The following PCDH15 variants were observed in gnomAD, a reference collection of about 807,000 sequenced individuals.
The protein encoded by PCDH15 is protocadherin-15.
A neutral mutation model predicts 178.5 loss-of-function variants in PCDH15; 129 were observed. The observed-to-expected ratio is 0.72, with a 90% CI of 0.63 to 0.84. The LOEUF (loss-of-function observed/expected upper bound fraction) is 0.84. Ranked by LOEUF, PCDH15 falls within the 40% of genes least tolerant of loss-of-function variation. PCDH15 has a pLI of 0.00. For missense variants in PCDH15, 2,230 were observed against 2,099.9 expected, an observed-to-expected ratio of 1.06 and a Z score of -1.21; for synonymous variants, 800 against 732.0, an observed-to-expected ratio of 1.09 and a Z score of -1.50.
intron 11 of PCDH15, among the ~76,000 whole-genome samples, chr10:54,192,813 T>C (rs7087966): frequency 0.23 from 35,358 of 152,008 alleles, 6,200 homozygotes; most frequent in African/African-American, 0.5. Context: ...GACACTTTTA[T>C]AAAAGTTATG....
chr10:55,328,271 A>G (rs1437841944), intron 2 of PCDH15, among the ~76,000 whole-genome samples: 1 of 151,864 alleles, frequency 6.6e-6, no homozygotes, highest in Non-Finnish European at 1.5e-5. Context: ...TTGCTTAATA[A>G]TGGGATACAT....
intron 2 of PCDH15, among the ~76,000 whole-genome samples, chr10:54,950,228 G>A (rs1838303780): frequency 6.6e-6 from 1 of 151,960 alleles, no homozygotes; most frequent in South Asian, 2.1e-4. Context: ...CATGACAGAA[G>A]TCAAAGGGGG....
chr10:54,332,301 T>TTATTATATATAATATAATCTATATTATA (rs1939874718), intron 6 of PCDH15, among the ~76,000 whole-genome samples: 1 of 47,140 alleles, frequency 2.1e-5, no homozygotes, highest in Non-Finnish European at 6.6e-5. Context: ...ATATTACATA[T>TTATTATATATAATATAATCTATATTATA]TATTATATAT....
At chr10:55,425,918 TACTA>T (rs1257059347) in intron 2 of PCDH15, among the ~76,000 whole-genome samples, 1 of 152,194 alleles carries the variant, frequency 6.6e-6, no homozygotes, top group African/African-American at 2.4e-5. Context: ...TATTTGCTCT[TACTA>T]ACTGAAAGAT....
intron 13 of PCDH15, among the ~76,000 whole-genome samples, chr10:54,157,285 G>C (rs2045255147): frequency 6.6e-6 from 1 of 152,228 alleles, no homozygotes. Context: ...TGGGCAACCA[G>C]GTGTTTCCAT....
chr10:54,989,969 G>C (rs767110087), intron 2 of PCDH15, among the ~76,000 whole-genome samples: 8 of 152,120 alleles, frequency 5.3e-5, no homozygotes, highest in Non-Finnish European at 8.8e-5. Context: ...GTTTTAAAAA[G>C]GGGAGTTCCC....
At chr10:55,015,657 A>T (rs72800089) in intron 2 of PCDH15, among the ~76,000 whole-genome samples, 17,017 of 152,230 alleles carry the variant, frequency 0.11, 1,252 homozygotes, top group Middle Eastern at 0.16. Flanking sequence ...GAAGAGTTTA[A>T]TATAGTAACT....
At chr10:54,993,447 A>C (rs537135675) in intron 2 of PCDH15, among the ~76,000 whole-genome samples, 1 of 152,178 alleles carries the variant, frequency 6.6e-6, no homozygotes, top group Non-Finnish European at 1.5e-5. Flanking sequence ...GAATTATGAA[A>C]CATTCTGTCG....
At chr10:54,870,655 G>A (rs747387895) in intron 3 of PCDH15, among the ~76,000 whole-genome samples, 29 of 151,828 alleles carry the variant, frequency 1.9e-4, no homozygotes, top group Non-Finnish European at 3.5e-4. Flanking sequence ...GCGTGGTGGC[G>A]GGCGCCTGTA....
chr10:53,864,362 T>G (rs985002334), intron 27 of PCDH15, among the ~76,000 whole-genome samples: 1 of 151,892 alleles, frequency 6.6e-6, no homozygotes, highest in Non-Finnish European at 1.5e-5. Context: ...AAATACCATC[T>G]CCCCACACCC....
At chr10:53,896,118 TTTTA>T (rs1472270479) in intron 26 of PCDH15, among the ~76,000 whole-genome samples, 3 of 152,108 alleles carry the variant, frequency 2.0e-5, no homozygotes, top group Non-Finnish European at 4.4e-5. Context: ...TATTTATTCA[TTTTA>T]TTTATTTATT....
At chr10:55,518,051 T>G (rs934009376) in intron 2 of PCDH15, among the ~76,000 whole-genome samples, 1 of 152,136 alleles carries the variant, frequency 6.6e-6, no homozygotes, top group African/African-American at 2.4e-5. Flanking sequence ...ACAAGTTCCC[T>G]GTCTCCCAGT....
chr10:55,601,291 G>A (rs1335659109), intron 2 of PCDH15, among the ~76,000 whole-genome samples: 1 of 152,202 alleles, frequency 6.6e-6, no homozygotes, highest in Non-Finnish European at 1.5e-5. Flanking sequence ...AAAGTTTTCA[G>A]TAAGAGTTGG....
intron 3 of PCDH15, among the ~76,000 whole-genome samples, chr10:54,475,043 CT>C (rs1031399239): frequency 2.0e-5 from 3 of 151,602 alleles, no homozygotes; most frequent in African/African-American, 7.3e-5. Context: ...TTCTCCTAAA[CT>C]TTTTTTTAAT....
intron 1 of PCDH15, among the ~76,000 whole-genome samples, chr10:55,257,141 C>A (rs1413277409): frequency 6.6e-6 from 1 of 152,178 alleles, no homozygotes; most frequent in African/African-American, 2.4e-5. Flanking sequence ...CCAGCAAACT[C>A]CAACAGACTT....
At chr10:54,006,086 G>A (rs976460938) in intron 20 of PCDH15, among the ~76,000 whole-genome samples, 1 of 152,118 alleles carries the variant, frequency 6.6e-6, no homozygotes, top group African/African-American at 2.4e-5. Context: ...TGATATTTAT[G>A]GAGCCATGGG....
chr10:54,298,839 C>G (rs927579632), intron 8 of PCDH15, among the ~76,000 whole-genome samples: 2 of 152,332 alleles, frequency 1.3e-5, no homozygotes, highest in African/African-American at 4.8e-5. Flanking sequence ...CCAAGGAATC[C>G]TGGGAGAGCC....
At chr10:53,957,965 T>G (rs926948655) in intron 23 of PCDH15, among the ~76,000 whole-genome samples, 1 of 152,230 alleles carries the variant, frequency 6.6e-6, no homozygotes, top group Non-Finnish European at 1.5e-5. Flanking sequence ...GAAGATTTTC[T>G]GGTAATTATA....
intron 1 of PCDH15, among the ~76,000 whole-genome samples, chr10:55,313,675 G>T (rs1843648049): frequency 6.6e-6 from 1 of 152,108 alleles, no homozygotes; most frequent in Non-Finnish European, 1.5e-5. Context: ...TTTATGCTAT[G>T]AGTTGATTAA....
Sources: allele counts gnomAD v4.1 joint callset (sites outside exome capture counted in the v4.1 genomes callset), GRCh38; gene constraint gnomAD v4.1.1; transcripts MANE v1.5; gene names NCBI Gene and HGNC (gene_info 2026-07-23, HGNC 2026-07-21).